Variants in KIAA0930 observed in about 807,000 individuals in gnomAD.
The protein encoded by KIAA0930 is uncharacterized protein KIAA0930.
KIAA0930 carries 24 observed loss-of-function variants against 43.9 expected under a neutral mutation model. The observed-to-expected ratio is 0.55, with a 90% CI of 0.40 to 0.77. The LOEUF is 0.77. Among genes scored for constraint, KIAA0930 ranks in the 30% least tolerant of loss-of-function variants. The pLI is 0.00. For synonymous variants in KIAA0930, 259 were observed against 216.4 expected (o/e 1.20, Z -1.73); for missense variants, 461 against 574.2 (o/e 0.80, Z 2.02).
At chr22:45,201,419 G>A (rs1037385706) in intron 7 of KIAA0930, among the ~76,000 whole-genome samples, 8 of 152,170 alleles carry the variant, frequency 5.3e-5, no homozygotes, top group Non-Finnish European at 1.2e-4. Flanking sequence ...CTGGACAGAT[G>A]GGAAAACCAA....
chr22:45,222,984 C>T (rs964658935), intron 1 of KIAA0930, among the ~76,000 whole-genome samples: 2 of 152,110 alleles, frequency 1.3e-5, no homozygotes, highest in Admixed American at 6.5e-5. Flanking sequence ...GCAGTAGGAA[C>T]GTAAACTGCC....
At chr22:45,210,288 A>C (rs2083681059) in intron 2 of KIAA0930, among the ~76,000 whole-genome samples, 1 of 152,184 alleles carries the variant, frequency 6.6e-6, no homozygotes, top group African/African-American at 2.4e-5. Context: ...TGGGGTCCAC[A>C]GCCCTGGGAC....
At chr22:45,211,512 T>G (rs1049017304) in intron 2 of KIAA0930, 3 of 422,722 alleles carry the variant, frequency 7.1e-6, no homozygotes, top group African/African-American at 6.1e-5. Context: ...AGCTCAGCAC[T>G]GTGTCTAGAT....
At chr22:45,220,312 G>C (rs1284382131) in intron 1 of KIAA0930, among the ~76,000 whole-genome samples, 1 of 151,916 alleles carries the variant, frequency 6.6e-6, no homozygotes, top group Non-Finnish European at 1.5e-5. Flanking sequence ...AAAATTAGCC[G>C]GGTGCGGTGG....
intron 1 of KIAA0930, among the ~76,000 whole-genome samples, chr22:45,233,061 G>A (rs1275303944): frequency 6.6e-6 from 1 of 152,116 alleles, no homozygotes; most frequent in African/African-American, 2.4e-5. Context: ...GGTGGAGGAA[G>A]GCATCACAGC....
At position 45,198,430 on chromosome 22, in the gene KIAA0930, G is replaced by A. The variant is rs148097843; in HGVS notation, c.1016-482C>T. On this transcript the variant is annotated intron_variant, in intron 8 of 9. Transcript: ENST00000336156. ...CAGTACTTCTTACTGATTCGGGAACGGGCCCAGGTGGGGAAGGGGCTTGCC... is the reference window on the plus strand; with the variant it reads ...CAGTACTTCTTACTGATTCGGGAACAGGCCCAGGTGGGGAAGGGGCTTGCC... 7.2e-5 allele frequency among the ~76,000 whole-genome samples: 11 copies of A among 152,336 alleles called. No individual in the cohort carries two copies. The East Asian group carries it at 7.7e-4, about 11-fold the overall frequency.
intron 1 of KIAA0930, among the ~76,000 whole-genome samples, chr22:45,232,923 G>T (rs765858327): frequency 2.0e-5 from 3 of 152,132 alleles, no homozygotes; most frequent in East Asian, 3.9e-4. Context: ...GGTGAGGAAG[G>T]GACCCCGTGG....
intron 1 of KIAA0930, among the ~76,000 whole-genome samples, chr22:45,237,553 C>G (rs544249323): frequency 6.6e-6 from 1 of 152,236 alleles, no homozygotes; most frequent in African/African-American, 2.4e-5. Flanking sequence ...AGAATGACAA[C>G]CACTCAACCA....
intron 2 of KIAA0930, among the ~76,000 whole-genome samples, chr22:45,211,176 G>A (rs1431856920): frequency 6.6e-6 from 1 of 152,200 alleles, no homozygotes; most frequent in African/African-American, 2.4e-5. Context: ...CCATGGCCCC[G>A]GAGTTACAGA....
chr22:45,212,582 G>A, intron 1 of KIAA0930: 1 of 1,379,924 alleles, frequency 7.2e-7, no homozygotes, highest in Non-Finnish European at 9.4e-7. Context: ...TAAAGGGACA[G>A]CCGCCCTCCA....
chr22:45,234,238 C>G (rs553985358), intron 1 of KIAA0930, among the ~76,000 whole-genome samples: 1 of 152,292 alleles, frequency 6.6e-6, no homozygotes, highest in South Asian at 2.1e-4. Flanking sequence ...CGTTGGGGAG[C>G]TGGCCTGGCC....
At chr22:45,240,283 C>T (rs1308135397) in intron 1 of KIAA0930, among the ~76,000 whole-genome samples, 4 of 152,276 alleles carry the variant, frequency 2.6e-5, no homozygotes, top group African/African-American at 7.2e-5. Context: ...ACACTCCCTA[C>T]CGCGGTGCTG....
intron 8 of KIAA0930, 109 bp from the exon 9 acceptor site, chr22:45,198,057 C>T (rs971079472): frequency 1.8e-5 from 20 of 1,090,474 alleles, no homozygotes; most frequent in South Asian, 1.1e-4. Context: ...GAGGCCAGGA[C>T]GCTCCTTACC....
rs770782781 is a variant in KIAA0930, at chr22:45,212,282, A to G, written c.65-175T>C. 11 of 1,612,982 alleles carry G rather than the reference A, an allele frequency of 6.8e-6. No homozygotes were observed. The East Asian group carries it at 2.2e-4, about 33-fold the overall frequency. On this transcript the variant is annotated intron_variant, in intron 1 of 9. Coordinates refer to ENST00000336156, the MANE Select transcript of KIAA0930 (RefSeq NM_001009880.2). The stretch of plus-strand genomic sequence containing the variant: ...ACCCCCACCCATGGAGCATCCAGAG[A>G]GGCTGGAGGACACCTCCCAGGAGGC...
chr22:45,236,654 T>C (rs1482422820), intron 1 of KIAA0930, among the ~76,000 whole-genome samples: 3 of 152,040 alleles, frequency 2.0e-5, no homozygotes, highest in Non-Finnish European at 4.4e-5. Flanking sequence ...CTGCGCAGGG[T>C]TAAGCAATTA....
At position 45,218,363 on chromosome 22, in the gene KIAA0930, T is replaced by A. The variant is rs954699232; in HGVS notation, c.65-6256A>T. Among the ~76,000 whole-genome samples, 17 of 119,902 alleles carry A rather than the reference T, an allele frequency of 1.4e-4. No individual in the cohort carries two copies. The South Asian group carries it at 2.2e-3, about 16-fold the overall frequency. The allele number at this position is 119,902 out of a possible 152,430, so 78.7% of individuals were successfully genotyped here. A position where few individuals can be genotyped will look rare whatever the true frequency, so the allele number is the denominator to read the frequency against. On this transcript the variant is annotated intron_variant, in intron 1 of 9. Transcript: ENST00000336156. The stretch of plus-strand genomic sequence containing the variant: ...TTTTTTTTTTTTTTTTTTTTTTTTT[T>A]AGTAGAGACAGGGTTTCACCATGTT...
chr22:45,197,412 G>A (rs1473827657), intron 9 of KIAA0930, among the ~76,000 whole-genome samples, 196 bp from the exon 10 acceptor site: 3 of 152,170 alleles, frequency 2.0e-5, no homozygotes. Flanking sequence ...CGCAGCAACG[G>A]CACACCCTGC....
intron 2 of KIAA0930, among the ~76,000 whole-genome samples, chr22:45,209,200 G>A (rs948317571): frequency 6.6e-6 from 1 of 152,212 alleles, no homozygotes; most frequent in Non-Finnish European, 1.5e-5. Flanking sequence ...ATGGCAACCG[G>A]GTACCAGCGG....
chr22:45,230,073 G>A (rs896789379), intron 1 of KIAA0930, among the ~76,000 whole-genome samples: 1 of 152,202 alleles, frequency 6.6e-6, no homozygotes, highest in Non-Finnish European at 1.5e-5. Context: ...TCCAGCCTGG[G>A]TGACAGTGAC....
Sources: allele counts gnomAD v4.1 joint callset (sites outside exome capture counted in the v4.1 genomes callset), GRCh38; gene constraint gnomAD v4.1.1; transcripts MANE v1.5; gene names NCBI Gene and HGNC (gene_info 2026-07-23, HGNC 2026-07-21).